Variants in CFAP54 observed in about 807,000 individuals in gnomAD.
CFAP54 encodes cilia and flagella associated protein 54.
A neutral mutation model predicts 370.4 loss-of-function variants in CFAP54; 290 were observed. The observed-to-expected ratio is 0.78, with a 90% CI of 0.71 to 0.86. CFAP54 has a LOEUF of 0.86. CFAP54 is among the 40% of genes least tolerant of loss of function. The pLI, the probability that CFAP54 is intolerant of heterozygous loss-of-function variation, is 0.00. For missense variants in CFAP54, 3,399 were observed against 3,528.7 expected, an observed-to-expected ratio of 0.96 and a Z score of 0.93; for synonymous variants, 1,206 against 1,236.5, an observed-to-expected ratio of 0.98 and a Z score of 0.52.
At chr12:96,829,213 G>C (rs377719923) in intron 66 of CFAP54, 125 bp downstream of exon 66, 1 of 491,220 alleles carries the variant, frequency 2.0e-6, no homozygotes, top group Non-Finnish European at 3.5e-6. Context: ...ATGTGAAAAA[G>C]TGATAAACAT....
intron 39 of CFAP54, among the ~76,000 whole-genome samples, chr12:96,671,342 T>C (rs1284786155): frequency 6.6e-6 from 1 of 152,186 alleles, no homozygotes; most frequent in Non-Finnish European, 1.5e-5. Flanking sequence ...TATGTTTTCT[T>C]TTTTTCTGAA....
chr12:96,816,056 G>T (rs1026091212), intron 64 of CFAP54, among the ~76,000 whole-genome samples: 1 of 152,034 alleles, frequency 6.6e-6, no homozygotes, highest in East Asian at 1.9e-4. Context: ...TTCTTTTTTG[G>T]TTCCATATGA....
At chr12:96,670,160 C>T (rs543940473) in intron 39 of CFAP54, among the ~76,000 whole-genome samples, 1 of 152,232 alleles carries the variant, frequency 6.6e-6, no homozygotes, top group South Asian at 2.1e-4. Flanking sequence ...GGAGTGTATA[C>T]AGAGAGGCAT....
At chr12:96,536,982 TCAATA>T (rs1181248441) in intron 12 of CFAP54, among the ~76,000 whole-genome samples, 3 of 83,128 alleles carry the variant, frequency 3.6e-5, no homozygotes, top group Non-Finnish European at 8.7e-5. Flanking sequence ...TCAATTCAAT[TCAATA>T]CAATTCAATT....
At chr12:96,765,623 T>C (rs1303754754) in intron 60 of CFAP54, among the ~76,000 whole-genome samples, 3 of 152,240 alleles carry the variant, frequency 2.0e-5, no homozygotes, top group Non-Finnish European at 2.9e-5. Context: ...TGTTTGATTA[T>C]GTGTTTAAGC....
At chr12:96,691,425 C>T in intron 44 of CFAP54, 115 bp downstream of exon 44, 1 of 649,842 alleles carries the variant, frequency 1.5e-6, no homozygotes, top group East Asian at 3.0e-5. Context: ...AACTTTTAAA[C>T]TCTATATATG....
chr12:96,502,615 A>G (rs185580898), intron 2 of CFAP54, among the ~76,000 whole-genome samples: 1 of 152,278 alleles, frequency 6.6e-6, no homozygotes, highest in East Asian at 1.9e-4. Context: ...TAAACAAAAC[A>G]GTGTTTGACT....
intron 33 of CFAP54, chr12:96,645,060 G>A (rs949082964): frequency 1.4e-5 from 6 of 425,714 alleles, no homozygotes; most frequent in African/African-American, 1.2e-4. Context: ...AATAAATGTA[G>A]ATATTAGTAG....
chr12:96,510,015 C>T (rs535714515), intron 4 of CFAP54, among the ~76,000 whole-genome samples: 6 of 151,976 alleles, frequency 3.9e-5, no homozygotes, highest in South Asian at 2.1e-4. Context: ...TGGTGGCTCA[C>T]GCCTGTAATC....
At chr12:96,733,038 T>C (rs1342471303) in intron 50 of CFAP54, among the ~76,000 whole-genome samples, 4 of 151,852 alleles carry the variant, frequency 2.6e-5, no homozygotes, top group Admixed American at 2.0e-4. Flanking sequence ...AATTACAAAA[T>C]GGCCATAGAA....
rs1191834510 is a variant in CFAP54 at position 96,581,021 on chromosome 12, CG to C, written c.2993del (p.Gly998ValfsTer26). 1 of 1,533,850 alleles carries C rather than the reference CG, an allele frequency of 6.5e-7. No individual in the cohort carries two copies. Among genetic ancestry groups the C allele is most frequent in the Non-Finnish European group, 8.7e-7 (1 of 1,145,550 alleles). On this transcript the variant is annotated frameshift_variant, in exon 22 of 68. Transcript: ENST00000524981. LOFTEE classifies it high-confidence loss of function. ...AAYSNNGKLVGGAIGETTKPI... is the reference protein window; with the variant it reads ...AAYSNNGKLVXGAIGETTKPI... ...CCTATTCTAACAACGGAAAGCTTGT[CG>C]GTGGTGCTATTGGGGAGACAACTAA...
At chr12:96,826,833 A>G (rs1466960035) in intron 65 of CFAP54, among the ~76,000 whole-genome samples, 3 of 115,780 alleles carry the variant, frequency 2.6e-5, no homozygotes, top group East Asian at 4.7e-4. Flanking sequence ...ATTATATAAT[A>G]TATCATATAA....
chr12:96,638,957 T>C (rs1374288178), intron 32 of CFAP54, among the ~76,000 whole-genome samples: 2 of 152,248 alleles, frequency 1.3e-5, no homozygotes, highest in Non-Finnish European at 2.9e-5. Context: ...TCTTGGTTAT[T>C]TCTTGCCGTC....
intron 38 of CFAP54, among the ~76,000 whole-genome samples, chr12:96,659,947 G>A (rs1956973616): frequency 6.6e-6 from 1 of 152,210 alleles, no homozygotes; most frequent in African/African-American, 2.4e-5. Context: ...ACAGTTCTGA[G>A]TTCCTGTTTC....
intron 52 of CFAP54, 47 bp downstream of exon 52, chr12:96,742,633 A>G (rs922577273): frequency 2.0e-6 from 3 of 1,529,160 alleles, no homozygotes; most frequent in Non-Finnish European, 1.8e-6. Flanking sequence ...TTAATTTTAC[A>G]TAGGTGAAGA....
chr12:96,757,699 AATT>A, intron 58 of CFAP54, 111 bp downstream of exon 58: 1 of 548,360 alleles, frequency 1.8e-6, no homozygotes, highest in Non-Finnish European at 3.2e-6. Flanking sequence ...GGCTTGGAGA[AATT>A]AATTCATTTC....
At chr12:96,498,324 C>A (rs1437792597) in intron 1 of CFAP54, among the ~76,000 whole-genome samples, 1 of 152,156 alleles carries the variant, frequency 6.6e-6, no homozygotes, top group Non-Finnish European at 1.5e-5. Context: ...AAAATTAACT[C>A]AAAATGGATC....
intron 17 of CFAP54, among the ~76,000 whole-genome samples, chr12:96,561,348 T>G (rs556294787): frequency 3.8e-4 from 58 of 152,296 alleles, no homozygotes; most frequent in African/African-American, 1.4e-3. Flanking sequence ...TGTGACTTGT[T>G]CCTCTTTGCC....
chr12:96,583,254 T>C (rs956254940), intron 22 of CFAP54, among the ~76,000 whole-genome samples: 1 of 152,222 alleles, frequency 6.6e-6, no homozygotes, highest in African/African-American at 2.4e-5. Flanking sequence ...CTATTTTCTC[T>C]TCTTTTTAGA....
Sources: gnomAD v4.1 joint callset for allele counts (sites outside exome capture counted in the v4.1 genomes callset) on GRCh38, gnomAD v4.1.1 for gene constraint, MANE v1.5 for transcripts, NCBI Gene and HGNC (gene_info 2026-07-23, HGNC 2026-07-21) for gene names.